The following AGAP2 variants were observed in gnomAD, a reference collection of about 807,000 sequenced individuals.
AGAP2 encodes the protein arf-GAP with GTPase, ANK repeat and PH domain-containing protein 2.
AGAP2 carries 32 observed loss-of-function variants against 110.9 expected under a neutral mutation model. The observed-to-expected ratio is 0.29, with a 90% CI of 0.22 to 0.39. The LOEUF (loss-of-function observed/expected upper bound fraction) is 0.39. Among genes scored for constraint, AGAP2 ranks in the 10% least tolerant of loss-of-function variants. The probability of loss-of-function intolerance (pLI) is 1.00; values close to 1 mark genes in which losing one functional copy is unlikely to be tolerated. For missense variants in AGAP2, 1,285 were observed against 1,638.5 expected, an observed-to-expected ratio of 0.78 and a Z score of 3.72; for synonymous variants, 702 against 713.0, an observed-to-expected ratio of 0.98 and a Z score of 0.25.
At position 57,735,519 on chromosome 12, in the gene AGAP2, A is replaced by ACC. The variant is rs148173870; in HGVS notation, c.1169-94_1169-93dup. On this transcript the variant is annotated intron_variant, in intron 1 of 18. Coordinates refer to ENST00000547588, the MANE Select transcript of AGAP2 (RefSeq NM_001122772.3). Reference sequence around the variant, plus strand: ...CCCCTCCTCCCTCTGCAGCTTTCCAACCCCCCCCCAACCCTGCCTGCACTG... The same window carrying ACC: ...CCCCTCCTCCCTCTGCAGCTTTCCAACCCCCCCCCCCAACCCTGCCTGCACTG... The ACC allele has an allele frequency of 4.1e-3, 4,299 of 1,043,486 alleles. 4 individuals are homozygous for ACC. Among genetic ancestry groups the ACC allele is most frequent in the South Asian group, 0.014 (932 of 66,042 alleles). The allele number at this position is 1,043,486 out of a possible 1,614,324, so 64.6% of individuals were successfully genotyped here. A position where few individuals can be genotyped will look rare whatever the true frequency, so the allele number is the denominator to read the frequency against.
Position 57,738,285 on chromosome 12 carries a change from T to A in AGAP2, c.-39A>T. On this transcript the variant is annotated 5_prime_UTR_variant, in exon 1 of 19. Transcript: ENST00000547588. The surrounding 1 kb of genome is among the most constrained non-coding windows in gnomAD (Gnocchi z 6.7). The stretch of plus-strand genomic sequence containing the variant: ...CCCCGAGCTGGGGAGGGGAGGGGAC[T>A]CCCCCGGACTGCCTCAGGGGGGCCC... 4 of 1,452,690 alleles carry A rather than the reference T, an allele frequency of 2.8e-6. No individual in the cohort carries two copies. The highest frequency in any genetic ancestry group is 3.6e-6 in the Non-Finnish European group (4 of 1,106,952). The allele number at this position is 1,452,690 out of a possible 1,614,324, so 90.0% of individuals were successfully genotyped here. A position where few individuals can be genotyped will look rare whatever the true frequency, so the allele number is the denominator to read the frequency against.
intron 5 of AGAP2, 79 bp from the exon 6 acceptor site, chr12:57,733,058 C>G: frequency 6.3e-7 from 1 of 1,580,730 alleles, no homozygotes; most frequent in Non-Finnish European, 8.6e-7. Context: ...TATCCTTGCA[C>G]TGGGCCCTCA....
intron 14 of AGAP2, 39 bp from the exon 15 acceptor site, chr12:57,728,124 T>C (rs1363311340): frequency 1.3e-6 from 2 of 1,561,296 alleles, no homozygotes; most frequent in East Asian, 2.2e-5. Context: ...AGGGACAGAG[T>C]TCAAGCAGGG....
At chr12:57,736,576 A>C (rs1023972530) in intron 1 of AGAP2, among the ~76,000 whole-genome samples, 2 of 152,192 alleles carry the variant, frequency 1.3e-5, no homozygotes, top group African/African-American at 4.8e-5. Flanking sequence ...CCTTCACCGC[A>C]CGAAAAACAT....
Position 57,726,801 on chromosome 12 carries a change from G to A in AGAP2, c.3337-7C>T, listed in dbSNP as rs1954772671. The A allele has an allele frequency of 1.4e-6, 2 of 1,426,088 alleles. No individual in the cohort carries two copies. The highest frequency in any genetic ancestry group is 3.0e-5 in the Admixed American group (1 of 33,458). 88.3% of individuals were successfully genotyped at this position (1,426,088 alleles called of 1,614,324 possible). ...CCGCCACGTCCGCGCCGTACTAGAG[G>A]GCGGAAACGGCCGCGTGACCGCGCG... is the stretch of plus-strand genomic sequence containing the variant. On this transcript the variant is annotated splice_polypyrimidine_tract_variant and splice_region_variant and intron_variant, in intron 18 of 18. Coordinates refer to ENST00000547588, the MANE Select transcript of AGAP2 (RefSeq NM_001122772.3). This position sits in a 1 kb window ranked among gnomAD's most constrained non-coding sequence, Gnocchi z 5.7.
chr12:57,742,067 T>G, upstream of AGAP2: 1 of 1,614,020 alleles, frequency 6.2e-7, no homozygotes, highest in African/African-American at 1.3e-5. Flanking sequence ...CCTCTGGGCA[T>G]GCATGTTGCC....
rs1023148552 is a variant in AGAP2, at chr12:57,737,377, A to T, written c.870T>A (p.Pro290=). The change falls in exon 1 of 19, where the codon CCT becomes CCA. Residue 290 remains proline (P), a synonymous_variant. Transcript: ENST00000547588. The surrounding 1 kb of genome is among the most constrained non-coding windows in gnomAD (Gnocchi z 5.9). ...DLHPGPPAGS[P]PPLTLPPTPS... is the part of the protein sequence containing the mutation. ...GAGTTGGTGGGAGGGTTAGCGGAGGAGGAGAGCCGGCAGGCGGTCCCGGAT... is the reference window on the plus strand; with the variant it reads ...GAGTTGGTGGGAGGGTTAGCGGAGGTGGAGAGCCGGCAGGCGGTCCCGGAT... 5.0e-6 allele frequency: 8 copies of T among 1,613,778 alleles called. No individual in the cohort carries two copies. Among genetic ancestry groups the T allele is most frequent in the Non-Finnish European group, 6.8e-6 (8 of 1,179,806 alleles).
chr12:57,732,915 G>A lies in AGAP2; in HGVS notation c.1614C>T (p.Asp538=). The change falls in exon 6 of 19, where the codon GAC becomes GAT. Residue 538 remains aspartate, a synonymous_variant. Coordinates refer to ENST00000547588, the MANE Select transcript of AGAP2 (RefSeq NM_001122772.3). ...GDARARALCA[D]MKRCSYYETC... ...TCTCATAGTAGCTGCAGCGTTTCAT[G>A]TCCGCGCACAGAGCTCTGGCACGAG... is the stretch of plus-strand genomic sequence containing the variant. 2 of 1,614,088 alleles carry A rather than the reference G, an allele frequency of 1.2e-6. No homozygotes were observed. The highest frequency in any genetic ancestry group is 1.3e-5 in the African/African-American group (1 of 75,048).
rs774875270 is a variant in AGAP2, at chr12:57,737,746, G to C, written c.501C>G (p.Ser167=). The change falls in exon 1 of 19, where the codon TCC becomes TCG. Residue 167 remains serine (S), a synonymous_variant. Transcript: ENST00000547588. This position sits in a 1 kb window ranked among gnomAD's most constrained non-coding sequence, Gnocchi z 5.9. ...GGCTGCCGGTGCCAGGGTGCGGAGAGGATGAGCCAGGGATGCCGCCGCCCG... is the reference window on the plus strand; with the variant it reads ...GGCTGCCGGTGCCAGGGTGCGGAGACGATGAGCCAGGGATGCCGCCGCCCG... ...GRAGGGIPGS[S]SPHPGTGSRR... 19 of 1,540,282 alleles carry C rather than the reference G, an allele frequency of 1.2e-5. No homozygotes were observed. In the Admixed American group the frequency reaches 2.7e-4, roughly 22 times the overall value.
Position 57,726,804 on chromosome 12 carries a change from G to A in AGAP2, c.3337-10C>T, listed in dbSNP as rs1242257529. 1 of 1,426,042 alleles carries A rather than the reference G, an allele frequency of 7.0e-7. No individual in the cohort carries two copies. Among genetic ancestry groups the A allele is most frequent in the Non-Finnish European group, 9.1e-7 (1 of 1,094,760 alleles). The allele number at this position is 1,426,042 out of a possible 1,614,324, so 88.3% of individuals were successfully genotyped here. On this transcript the variant is annotated splice_polypyrimidine_tract_variant and intron_variant, in intron 18 of 18. Transcript: ENST00000547588. The surrounding 1 kb of genome is among the most constrained non-coding windows in gnomAD (Gnocchi z 5.7). Reference sequence around the variant, plus strand: ...CCACGTCCGCGCCGTACTAGAGGGCGGAAACGGCCGCGTGACCGCGCGTCC... The same window carrying A: ...CCACGTCCGCGCCGTACTAGAGGGCAGAAACGGCCGCGTGACCGCGCGTCC...
chr12:57,728,778 T>A (rs1034807647), intron 13 of AGAP2, among the ~76,000 whole-genome samples: 10 of 151,182 alleles, frequency 6.6e-5, no homozygotes, highest in African/African-American at 1.9e-4. Flanking sequence ...CTGGGGCTGG[T>A]GGCGGTGGGG....
chr12:57,741,328 G>A (rs913795531), upstream of AGAP2, among the ~76,000 whole-genome samples: 3 of 152,176 alleles, frequency 2.0e-5, no homozygotes, highest in Non-Finnish European at 4.4e-5. Flanking sequence ...GCAAGGGGAG[G>A]AGAGGGGACC....
Position 57,738,398 on chromosome 12 carries a change from G to T in AGAP2, c.-152C>A. On this transcript the variant is annotated 5_prime_UTR_variant, in exon 1 of 19. Coordinates refer to ENST00000547588, the MANE Select transcript of AGAP2 (RefSeq NM_001122772.3). This position sits in a 1 kb window ranked among gnomAD's most constrained non-coding sequence, Gnocchi z 6.7. ...CTCCGCTGTCGCCGCCGCCTCCGCC[G>T]CCTCCGCTTGCGCCCCCCTCCCATC... 1.3e-6 allele frequency: 1 copy of T among 789,942 alleles called. No homozygotes were observed. Among genetic ancestry groups the T allele is most frequent in the Non-Finnish European group, 1.5e-6 (1 of 651,778 alleles). 48.9% of individuals were successfully genotyped at this position (789,942 alleles called of 1,614,324 possible). A position where few individuals can be genotyped will look rare whatever the true frequency, so the allele number is the denominator to read the frequency against.
At position 57,737,386 on chromosome 12, in the gene AGAP2, G is replaced by A. The variant is rs777085172; in HGVS notation, c.861C>T (p.Ala287=). The A allele has an allele frequency of 2.5e-6, 4 of 1,613,884 alleles. No individual in the cohort carries two copies. The highest frequency in any genetic ancestry group is 1.6e-4 in the Middle Eastern group (1 of 6,062). ...DNSDLHPGPP[A]GSPPPLTLPP... ...GGAGGGTTAGCGGAGGAGGAGAGCC[G>A]GCAGGCGGTCCCGGATGCAAGTCAC... is the stretch of plus-strand genomic sequence containing the variant. Residue 287 remains alanine (A), a synonymous_variant, in exon 1 of 19, where the codon GCC becomes GCT. Transcript: ENST00000547588. The surrounding 1 kb of genome is among the most constrained non-coding windows in gnomAD (Gnocchi z 5.9).
chr12:57,735,388 G>T lies in AGAP2; in HGVS notation c.1208C>A (p.Ser403Tyr). The change falls in exon 2 of 19, where the codon TCC becomes TAC. Residue 403 changes from serine to tyrosine, a missense_variant. Ser to Tyr is a moderately radical substitution (Grantham distance 144). This residue lies in a region of AGAP2 where 844 missense variants were observed against 941.2 expected (regional missense o/e 0.90). Coordinates refer to ENST00000547588, the MANE Select transcript of AGAP2 (RefSeq NM_001122772.3). ...INSQEWTLSR[S>Y]IPELRLGVLG... The stretch of plus-strand genomic sequence containing the variant: ...ACCTACCAGGCGCAGTTCAGGAATG[G>T]AGCGGCTCAAAGTCCATTCCTGGCT... 1 of 1,613,954 alleles carries T rather than the reference G, an allele frequency of 6.2e-7. No homozygotes were observed. The highest frequency in any genetic ancestry group is 1.1e-5 in the South Asian group (1 of 90,990).
At position 57,726,873 on chromosome 12, in the gene AGAP2, C is replaced by T. The variant is rs2640597; in HGVS notation, c.3337-79G>A. The stretch of plus-strand genomic sequence containing the variant: ...GCGCCGCCTCCCCCACATGGCCAAG[C>T]CTACTTCCGGGGTCCCTCTGGGAAT... On this transcript the variant is annotated intron_variant, in intron 18 of 18. Coordinates refer to ENST00000547588, the MANE Select transcript of AGAP2 (RefSeq NM_001122772.3). The surrounding 1 kb of genome is among the most constrained non-coding windows in gnomAD (Gnocchi z 5.7). The T allele has an allele frequency of 1.4e-6, 2 of 1,452,110 alleles. No individual in the cohort carries two copies. The highest frequency in any genetic ancestry group is 2.4e-5 in the East Asian group (1 of 40,946). 90.0% of individuals were successfully genotyped at this position (1,452,110 alleles called of 1,614,324 possible).
upstream of AGAP2, chr12:57,742,159 T>C (rs551860876): frequency 1.1e-4 from 163 of 1,491,752 alleles, no homozygotes; most frequent in African/African-American, 1.7e-3. Context: ...GAAGGCCCCT[T>C]CTGCTGTGCC....
intron 13 of AGAP2, among the ~76,000 whole-genome samples, chr12:57,729,239 G>A (rs1274033026): frequency 6.6e-6 from 1 of 151,860 alleles, no homozygotes; most frequent in African/African-American, 2.4e-5. Flanking sequence ...AAGGGGCTGG[G>A]TGGTCACAGA....
upstream of AGAP2, among the ~76,000 whole-genome samples, chr12:57,740,159 C>G (rs1258252781): frequency 6.7e-6 from 1 of 149,228 alleles, no homozygotes; most frequent in Non-Finnish European, 1.5e-5. Flanking sequence ...TAAGTGCTGC[C>G]GTGGGCGGCT....
Sources: gnomAD v4.1 joint callset for allele counts (sites outside exome capture counted in the v4.1 genomes callset) on GRCh38, gnomAD v4.1.1 for gene constraint, gnomAD v4.1.1 regional missense constraint, Gnocchi (gnomAD v3.1) non-coding constraint, MANE v1.5 for transcripts, NCBI Gene and HGNC (gene_info 2026-07-23, HGNC 2026-07-21) for gene names.